SCPEP1: variants seen among roughly 807,000 people sequenced by gnomAD.
The protein encoded by SCPEP1 is retinoid-inducible serine carboxypeptidase.
SCPEP1 carries 51 observed loss-of-function variants against 63.8 expected under a neutral mutation model. The observed-to-expected ratio is 0.80, with a 90% CI of 0.64 to 1.01. SCPEP1 has a LOEUF of 1.01. Ranked by LOEUF, SCPEP1 falls within the 50% of genes least tolerant of loss-of-function variation. SCPEP1 has a pLI of 0.00. For missense variants in SCPEP1, 499 were observed against 554.9 expected, an observed-to-expected ratio of 0.90 and a Z score of 1.01; for synonymous variants, 204 against 207.8, an observed-to-expected ratio of 0.98 and a Z score of 0.16.
At position 56,999,880 on chromosome 17, in the gene SCPEP1, G is replaced by A. The variant is rs562162293; in HGVS notation, c.995-975G>A. 2.0e-4 allele frequency among the ~76,000 whole-genome samples: 30 copies of A among 152,238 alleles called. 1 individual carries two copies. Among genetic ancestry groups the A allele is most frequent in the Non-Finnish European group, 2.9e-4 (20 of 68,032 alleles). On this transcript the variant is annotated intron_variant, in intron 10 of 12. Transcript: ENST00000262288. ...GCCTGTAATCCCAGCTACTTGGGAG[G>A]CTGAGGTGGGGGAATCGCTTGAACC...
intron 1 of SCPEP1, among the ~76,000 whole-genome samples, chr17:56,980,118 G>T (rs1277321070): frequency 6.6e-6 from 1 of 151,928 alleles, no homozygotes. Flanking sequence ...TGGTTGGTTG[G>T]TTTTTTGTTT....
chr17:56,997,951 C>A (rs1032518174), intron 9 of SCPEP1: 2 of 163,690 alleles, frequency 1.2e-5, no homozygotes, highest in Non-Finnish European at 2.7e-5. Context: ...ATCAAGGTGA[C>A]GCTTTTCCTT....
At chr17:56,978,370 G>A in intron 1 of SCPEP1, 135 bp downstream of exon 1, 1 of 1,037,610 alleles carries the variant, frequency 9.6e-7, no homozygotes, top group South Asian at 2.8e-5. Context: ...TATTGCTTTT[G>A]AATCTCACTC....
intron 12 of SCPEP1, among the ~76,000 whole-genome samples, chr17:57,004,543 G>A (rs893819273): frequency 3.9e-5 from 6 of 152,068 alleles, no homozygotes; most frequent in African/African-American, 1.4e-4. Flanking sequence ...TATCTGAGAT[G>A]TTTGGAACCA....
intron 1 of SCPEP1, 47 bp from the exon 2 acceptor site, chr17:56,981,035 G>C (rs1214127683): frequency 1.2e-6 from 2 of 1,608,758 alleles, no homozygotes; most frequent in Admixed American, 1.7e-5. Context: ...GAATTTACCT[G>C]TACATTAGGC....
intron 12 of SCPEP1, 127 bp from the exon 13 acceptor site, chr17:57,006,046 A>G: frequency 1.6e-6 from 1 of 634,784 alleles, no homozygotes; most frequent in Non-Finnish European, 2.8e-6. Context: ...GGATGTGCCC[A>G]GGTGTCTGCA....
Position 56,987,720 on chromosome 17 carries a change from T to C in SCPEP1, c.341T>C (p.Val114Ala). ...CTCCAGGCTGCCAGTCTCCTATTTG[T>C]GGATAATCCCGTGGGCACTGGGTTC... ...TWLQAASLLF[V>A]DNPVGTGFSY... The change falls in exon 4 of 13, where the codon GTG (valine) becomes GCG (alanine). Residue 114 changes from valine to alanine, a missense_variant. By Grantham distance (64) the Val-to-Ala change is moderately conservative. Coordinates refer to ENST00000262288, the MANE Select transcript of SCPEP1 (RefSeq NM_021626.3). 1 of 1,613,998 alleles carries C rather than the reference T, an allele frequency of 6.2e-7. No individual in the cohort carries two copies. Among genetic ancestry groups the C allele is most frequent in the African/African-American group, 1.3e-5 (1 of 75,038 alleles).
intron 11 of SCPEP1, 149 bp from the exon 12 acceptor site, chr17:57,001,869 C>A: frequency 1.2e-6 from 1 of 835,736 alleles, no homozygotes; most frequent in Non-Finnish European, 1.9e-6. Flanking sequence ...CTACCCTGAT[C>A]TTCTGAATCA....
At chr17:57,001,968 A>T (rs750899113) in intron 11 of SCPEP1, 50 bp from the exon 12 acceptor site, 5 of 1,571,598 alleles carry the variant, frequency 3.2e-6, no homozygotes, top group Admixed American at 4.1e-5. Flanking sequence ...CTTTTTTCCT[A>T]TTCTATCCAG....
chr17:56,989,088 G>T (rs1371398699), intron 5 of SCPEP1, among the ~76,000 whole-genome samples: 1 of 152,142 alleles, frequency 6.6e-6, no homozygotes, highest in African/African-American at 2.4e-5. Flanking sequence ...TACCTGGGAG[G>T]ATGAGGTGGG....
At chr17:56,986,457 A>T (rs1321981218) in intron 3 of SCPEP1, among the ~76,000 whole-genome samples, 1 of 151,308 alleles carries the variant, frequency 6.6e-6, no homozygotes, top group African/African-American at 2.4e-5. Flanking sequence ...TGACCTCGTG[A>T]TCCACCTGCC....
At chr17:56,990,856 A>G (rs964233) in intron 5 of SCPEP1, among the ~76,000 whole-genome samples, 79,451 of 151,802 alleles carry the variant, frequency 0.52, 21,484 homozygotes, top group East Asian at 0.84. Flanking sequence ...GCTAGCCTCG[A>G]CCTCCTGGGG....
intron 8 of SCPEP1, 151 bp downstream of exon 8, chr17:56,995,786 T>G: frequency 1.2e-6 from 1 of 810,720 alleles, no homozygotes; most frequent in Non-Finnish European, 1.7e-6. Context: ...CTCTTGGGTC[T>G]AAGCAGTGAT....
chr17:56,981,065 T>C lies in SCPEP1; in HGVS notation c.77-17T>C, dbSNP rs1381740780. On this transcript the variant is annotated splice_polypyrimidine_tract_variant and intron_variant, in intron 1 of 12. Transcript: ENST00000262288. Reference sequence around the variant, plus strand: ...TTAGGCACTCTTCTGGAGAGTGAAATTGAACTTCTGTTTCAGGAGCTGTCA... The same window carrying C: ...TTAGGCACTCTTCTGGAGAGTGAAACTGAACTTCTGTTTCAGGAGCTGTCA... 4 of 1,613,932 alleles carry C rather than the reference T, an allele frequency of 2.5e-6. No homozygotes were observed. The Admixed American group carries it at 5.0e-5, about 20-fold the overall frequency.
chr17:56,986,901 C>G (rs1911238877), intron 3 of SCPEP1, among the ~76,000 whole-genome samples: 1 of 152,162 alleles, frequency 6.6e-6, no homozygotes, highest in Admixed American at 6.5e-5. Flanking sequence ...ACATGCTGTC[C>G]TCTTGGCCTG....
At chr17:56,982,255 C>A (rs35258000) in intron 2 of SCPEP1, among the ~76,000 whole-genome samples, 13,310 of 152,022 alleles carry the variant, frequency 0.088, 830 homozygotes, top group Admixed American at 0.15. Flanking sequence ...TAAATAGGGA[C>A]CCTGGTGCTC....
At chr17:56,978,732 GTGT>G (rs1910987375) in intron 1 of SCPEP1, among the ~76,000 whole-genome samples, 1 of 152,196 alleles carries the variant, frequency 6.6e-6, no homozygotes, top group Non-Finnish European at 1.5e-5. Flanking sequence ...AAACAGATTT[GTGT>G]TTAATAGGAT....
At position 57,002,094 on chromosome 17, in the gene SCPEP1, C is replaced by T. The variant is rs753449599; in HGVS notation, c.1209C>T (p.Tyr403=). ...KFSQLKWKAL[Y]SDPKSLETSA... is the part of the protein sequence containing the mutation. ...GTCAGCTGAAGTGGAAGGCCCTGTACAGTGACCCTAAATCTTTGGAAACAT... is the reference window on the plus strand; with the variant it reads ...GTCAGCTGAAGTGGAAGGCCCTGTATAGTGACCCTAAATCTTTGGAAACAT... The change falls in exon 12 of 13, where the codon TAC becomes TAT. Residue 403 remains tyrosine (Y), a synonymous_variant. Coordinates refer to ENST00000262288, the MANE Select transcript of SCPEP1 (RefSeq NM_021626.3). 2 of 1,614,204 alleles carry T rather than the reference C, an allele frequency of 1.2e-6. No homozygotes were observed. The highest frequency in any genetic ancestry group is 2.2e-5 in the South Asian group (2 of 91,092).
rs749871714 is a variant in SCPEP1, at chr17:57,002,107, T to A, written c.1222T>A (p.Ser408Thr). The A allele has an allele frequency of 6.2e-7, 1 of 1,614,206 alleles. No homozygotes were observed. Among genetic ancestry groups the A allele is most frequent in the Admixed American group, 1.7e-5 (1 of 60,030 alleles). ...GAAGGCCCTGTACAGTGACCCTAAATCTTTGGAAACATCTGCTTTTGTCAA... is the reference window on the plus strand; with the variant it reads ...GAAGGCCCTGTACAGTGACCCTAAAACTTTGGAAACATCTGCTTTTGTCAA... ...KWKALYSDPK[S>T]LETSAFVKSY... The change falls in exon 12 of 13, where the codon TCT becomes ACT. Residue 408 changes from serine to threonine, a missense_variant. Physicochemically the swap from Ser to Thr is moderately conservative, Grantham distance 58. Coordinates refer to ENST00000262288, the MANE Select transcript of SCPEP1 (RefSeq NM_021626.3).
Sources: allele counts gnomAD v4.1 joint callset (sites outside exome capture counted in the v4.1 genomes callset), GRCh38; gene constraint gnomAD v4.1.1; transcripts MANE v1.5; gene names NCBI Gene and HGNC (gene_info 2026-07-23, HGNC 2026-07-21).